Variants in TCTN2 observed in about 807,000 individuals in gnomAD.
TCTN2 encodes the protein tectonic family member 2, also known as tectonic-2.
Under a neutral mutation model 83.4 loss-of-function variants are expected in TCTN2, and 66 were observed. The observed-to-expected ratio is 0.79, with a 90% CI of 0.65 to 0.97. The LOEUF (loss-of-function observed/expected upper bound fraction) is 0.97, where lower values mean the gene tolerates loss of function less well. TCTN2 is among the 50% of genes least tolerant of loss of function. The pLI is 0.00. For missense variants in TCTN2, 794 were observed against 858.1 expected, an observed-to-expected ratio of 0.93 and a Z score of 0.93; for synonymous variants, 301 against 326.7, an observed-to-expected ratio of 0.92 and a Z score of 0.85.
At position 123,687,007 on chromosome 12, in the gene TCTN2, T is replaced by C; in HGVS notation, c.736T>C (p.Phe246Leu). The C allele has an allele frequency of 6.2e-7, 1 of 1,614,194 alleles. No individual in the cohort carries two copies. Among genetic ancestry groups the C allele is most frequent in the Non-Finnish European group, 8.5e-7 (1 of 1,180,032 alleles). The stretch of plus-strand genomic sequence containing the variant: ...GCAGTCCCCCCTTGCCAACACACCC[T>C]TCCTTGGTTACTTCTATCATGGTGC... Reference protein sequence around the residue: ...CVQSPLANTPFLGYFYHGAVS... With the variant: ...CVQSPLANTPLLGYFYHGAVS... Residue 246 changes from phenylalanine (F) to leucine (L), a missense_variant, in exon 6 of 18, where the codon TTC (phenylalanine) becomes CTC (leucine). Physicochemically the swap from Phe to Leu is conservative, Grantham distance 22. Transcript: ENST00000303372.
chr12:123,677,609 AG>A (rs1223395191), intron 4 of TCTN2, among the ~76,000 whole-genome samples: 1 of 152,178 alleles, frequency 6.6e-6, no homozygotes, highest in African/African-American at 2.4e-5. Flanking sequence ...AATATCCTGA[AG>A]AGTTATAAAC....
intron 1 of TCTN2, 81 bp downstream of exon 1, chr12:123,671,403 G>C: frequency 1.3e-6 from 2 of 1,585,938 alleles, no homozygotes; most frequent in Non-Finnish European, 1.7e-6. Flanking sequence ...GGACTCCCCC[G>C]GGAGCTTCGG....
chr12:123,675,193 A>G (rs563605438), intron 4 of TCTN2, among the ~76,000 whole-genome samples: 19 of 152,180 alleles, frequency 1.2e-4, no homozygotes, highest in Non-Finnish European at 2.4e-4. Context: ...CCAGCTTTTG[A>G]TGCTACAGCA....
At chr12:123,676,566 TA>T (rs60100973) in intron 4 of TCTN2, among the ~76,000 whole-genome samples, 214 of 60,718 alleles carry the variant, frequency 3.5e-3, no homozygotes, top group East Asian at 4.5e-3. Context: ...AGACTCCATC[TA>T]AAAAAAAAAA....
chr12:123,693,545 T>G (rs1429474898), intron 9 of TCTN2, among the ~76,000 whole-genome samples: 6 of 148,084 alleles, frequency 4.1e-5, no homozygotes, highest in African/African-American at 1.5e-4. Context: ...CTCCACTTCC[T>G]GGGTTCAAGC....
chr12:123,671,969 T>C, intron 2 of TCTN2, 87 bp from the exon 3 acceptor site: 2 of 1,080,528 alleles, frequency 1.9e-6, no homozygotes, highest in Non-Finnish European at 2.9e-6. Flanking sequence ...TAGGCTGTAA[T>C]GTGAGTCCAT....
rs1372755824 is a variant in TCTN2, at chr12:123,707,046, C to T, written c.1957C>T (p.Leu653=). The T allele has an allele frequency of 6.2e-7, 1 of 1,613,676 alleles. No individual in the cohort carries two copies. Among genetic ancestry groups the T allele is most frequent in the Non-Finnish European group, 8.5e-7 (1 of 1,179,998 alleles). ...AAATGAGGTGTGTTGGCCGCAGCTTCTATATCCATGGACTCAGTATTATCA... is the reference window on the plus strand; with the variant it reads ...AAATGAGGTGTGTTGGCCGCAGCTTTTATATCCATGGACTCAGTATTATCA... ...NRNEVCWPQL[L]YPWTQYYQGE... The change falls in exon 17 of 18, where the codon CTA becomes TTA. Residue 653 remains leucine, a synonymous_variant. Transcript: ENST00000303372.
intron 6 of TCTN2, among the ~76,000 whole-genome samples, chr12:123,687,766 G>A (rs1315087397): frequency 2.6e-5 from 4 of 151,932 alleles, no homozygotes; most frequent in Non-Finnish European, 5.9e-5. Flanking sequence ...AGTTCAAGAC[G>A]AGCCTGGGTA....
At chr12:123,685,802 T>C (rs1455653570) in intron 5 of TCTN2, among the ~76,000 whole-genome samples, 2 of 148,054 alleles carry the variant, frequency 1.4e-5, no homozygotes, top group Admixed American at 6.9e-5. Flanking sequence ...CATGGCTCAC[T>C]GCAGCCTCAG....
In TCTN2 at chr12:123,694,930, A is replaced by G. The variant is rs1235450310; in HGVS notation, c.1188A>G (p.Glu396=). 1.2e-6 allele frequency: 2 copies of G among 1,613,574 alleles called. No individual in the cohort carries two copies. The highest frequency in any genetic ancestry group is 2.2e-5 in the South Asian group (2 of 91,078). The change falls in exon 10 of 18, where the codon GAA becomes GAG. Residue 396 remains glutamate (E), a synonymous_variant. Transcript: ENST00000303372. The part of the protein sequence containing the change: ...IFKWNNNTIS[E]INVKIFRAEI... ...AATGGAATAATAATACCATCAGTGAAATAAATGTTAAAATTTTTAGGGCAG... is the reference window on the plus strand; with the variant it reads ...AATGGAATAATAATACCATCAGTGAGATAAATGTTAAAATTTTTAGGGCAG...
At chr12:123,704,469 C>T (rs146951552) in intron 14 of TCTN2, 63 bp from the exon 15 acceptor site, 17 of 1,531,998 alleles carry the variant, frequency 1.1e-5, no homozygotes, top group African/African-American at 6.9e-5. Context: ...TTGGTTATTA[C>T]GACATTGTAG....
intron 3 of TCTN2, among the ~76,000 whole-genome samples, chr12:123,672,536 G>A (rs994722770): frequency 6.6e-6 from 1 of 151,766 alleles, no homozygotes. Flanking sequence ...AGGAGTTCCA[G>A]ACCAGCCTGT....
chr12:123,692,745 C>A (rs372134634), intron 9 of TCTN2, 22 bp downstream of exon 9: 1 of 1,568,440 alleles, frequency 6.4e-7, no homozygotes, highest in Non-Finnish European at 8.8e-7. Flanking sequence ...TACACTTTGA[C>A]GTCATTTCTT....
At chr12:123,685,001 G>T (rs911054234) in intron 5 of TCTN2, among the ~76,000 whole-genome samples, 16 of 149,750 alleles carry the variant, frequency 1.1e-4, no homozygotes, top group Admixed American at 3.3e-4. Flanking sequence ...AGTGAGCTGA[G>T]ATCGCGCCAC....
chr12:123,685,718 CTTT>C (rs3071665), intron 5 of TCTN2, among the ~76,000 whole-genome samples: 11,779 of 109,238 alleles, frequency 0.11, 1,037 homozygotes, highest in African/African-American at 0.25. Flanking sequence ...TGCGCCCGGT[CTTT>C]TTTTTTTTTT....
At chr12:123,682,200 G>A (rs1481857708) in intron 5 of TCTN2, among the ~76,000 whole-genome samples, 1 of 152,066 alleles carries the variant, frequency 6.6e-6, no homozygotes, top group Non-Finnish European at 1.5e-5. Flanking sequence ...TACAATTCCT[G>A]GGCTCAAGCA....
At chr12:123,678,445 C>T (rs1019424725) in intron 4 of TCTN2, among the ~76,000 whole-genome samples, 3 of 152,022 alleles carry the variant, frequency 2.0e-5, no homozygotes, top group Admixed American at 6.6e-5. Context: ...TTTTTTGTAG[C>T]CTGGGCTACT....
Position 123,674,999 on chromosome 12 carries a change from T to C in TCTN2, c.463+1189T>C, listed in dbSNP as rs186462750. On this transcript the variant is annotated intron_variant, in intron 4 of 17. Coordinates refer to ENST00000303372, the MANE Select transcript of TCTN2 (RefSeq NM_024809.5). ...TTCAGGCGATCCTCCTGCCACAGCC[T>C]CCATAGTAGCTGGGGCTACTGGCGT... Among the ~76,000 whole-genome samples the C allele has an allele frequency of 4.4e-3, 672 of 152,272 alleles. 14 individuals carry two copies. Among genetic ancestry groups the C allele is most frequent in the Admixed American group, 0.039 (597 of 15,288 alleles).
intron 5 of TCTN2, among the ~76,000 whole-genome samples, chr12:123,682,434 C>T (rs1405357238): frequency 1.3e-5 from 2 of 151,868 alleles, no homozygotes; most frequent in Admixed American, 6.6e-5. Flanking sequence ...TAAGAGGGTT[C>T]ACTATATATT....
Sources: allele counts gnomAD v4.1 joint callset (sites outside exome capture counted in the v4.1 genomes callset), GRCh38; gene constraint gnomAD v4.1.1; transcripts MANE v1.5; gene names NCBI Gene and HGNC (gene_info 2026-07-23, HGNC 2026-07-21).